The following MAN1A2 variants were observed in gnomAD, a reference collection of about 807,000 sequenced individuals.
MAN1A2 encodes the protein mannosyl-oligosaccharide 1,2-alpha-mannosidase IB.
Under a neutral mutation model 75.7 loss-of-function variants are expected in MAN1A2, and 26 were observed. The observed-to-expected ratio is 0.34, with a 90% CI of 0.25 to 0.48. MAN1A2 has a LOEUF of 0.48. Among genes scored for constraint, MAN1A2 ranks in the 20% least tolerant of loss-of-function variants. The probability of loss-of-function intolerance (pLI) is 0.99; values close to 1 mark genes in which losing one functional copy is unlikely to be tolerated. For synonymous variants in MAN1A2, 247 were observed against 264.6 expected, an observed-to-expected ratio of 0.93 and a Z score of 0.65; for missense variants, 562 against 775.5, an observed-to-expected ratio of 0.72 and a Z score of 3.27.
rs538390349 is a variant in MAN1A2 at position 117,447,402 on chromosome 1, A to G, written c.950+5077A>G. On this transcript the variant is annotated intron_variant, in intron 6 of 12. Coordinates refer to ENST00000356554, the MANE Select transcript of MAN1A2 (RefSeq NM_006699.5). ...CTAGATTTTAATATTATCAAAAAAT[A>G]TTGGAAGAAGTATCCTGCATATGTT... Among the ~76,000 whole-genome samples the G allele has an allele frequency of 1.1e-4, 17 of 152,228 alleles. No homozygotes were observed. The South Asian group carries it at 1.2e-3, about 11-fold the overall frequency.
chr1:117,514,974 A>T lies in MAN1A2; in HGVS notation c.1794-7851A>T, dbSNP rs560131580. The T allele has an allele frequency of 7.0e-5, 35 of 498,600 alleles. 1 individual carries two copies. Among genetic ancestry groups the T allele is most frequent in the South Asian group, 5.4e-4 (35 of 65,288 alleles). 30.9% of individuals were successfully genotyped at this position (498,600 alleles called of 1,614,324 possible). A position where few individuals can be genotyped will look rare whatever the true frequency, so the allele number is the denominator to read the frequency against. ...AGCTAAGTCAAATCAATATGTACTT[A>T]TAAGTACCTGCTTTCTCAGAGTTGT... On this transcript the variant is annotated intron_variant, in intron 12 of 12. Transcript: ENST00000356554.
chr1:117,416,986 G>T (rs1311990854), intron 4 of MAN1A2, among the ~76,000 whole-genome samples: 1 of 152,162 alleles, frequency 6.6e-6, no homozygotes, highest in Non-Finnish European at 1.5e-5. Context: ...ACCCTGGCTG[G>T]TGAGACACTA....
intron 2 of MAN1A2, among the ~76,000 whole-genome samples, chr1:117,403,606 T>C (rs1331744429): frequency 6.6e-6 from 1 of 152,244 alleles, no homozygotes; most frequent in African/African-American, 2.4e-5. Context: ...AGAAACATGT[T>C]TTAGTTTGCT....
At chr1:117,374,925 C>G (rs1041819397) in intron 1 of MAN1A2, among the ~76,000 whole-genome samples, 1 of 152,046 alleles carries the variant, frequency 6.6e-6, no homozygotes, top group African/African-American at 2.4e-5. Context: ...TTGGAAATGA[C>G]TAAAATTTAT....
chr1:117,468,050 C>A (rs1288452286), intron 8 of MAN1A2, among the ~76,000 whole-genome samples: 1 of 152,092 alleles, frequency 6.6e-6, no homozygotes, highest in African/African-American at 2.4e-5. Context: ...TTAGTCTGTT[C>A]TCATGCTGCT....
chr1:117,380,314 A>G (rs1481872351), intron 1 of MAN1A2, among the ~76,000 whole-genome samples: 2 of 152,162 alleles, frequency 1.3e-5, no homozygotes, highest in African/African-American at 4.8e-5. Flanking sequence ...GGCTTTGTCC[A>G]TCTTTTAAAT....
At chr1:117,497,240 T>G (rs1454083300) in intron 10 of MAN1A2, among the ~76,000 whole-genome samples, 1 of 151,946 alleles carries the variant, frequency 6.6e-6, no homozygotes, top group Non-Finnish European at 1.5e-5. Context: ...CGTGGGGTAT[T>G]TGGGAATATA....
chr1:117,392,672 T>G (rs981343314), intron 1 of MAN1A2, among the ~76,000 whole-genome samples: 1 of 148,336 alleles, frequency 6.7e-6, no homozygotes, highest in African/African-American at 2.5e-5. Context: ...GAAATTACCA[T>G]AAACGCAAAC....
intron 12 of MAN1A2, among the ~76,000 whole-genome samples, chr1:117,518,623 A>G (rs753287671): frequency 1.3e-5 from 2 of 152,124 alleles, no homozygotes; most frequent in Non-Finnish European, 2.9e-5. Context: ...GTCTTGTCCA[A>G]CAGGAAAATA....
chr1:117,499,964 A>G (rs1651149195), intron 11 of MAN1A2, among the ~76,000 whole-genome samples: 1 of 151,634 alleles, frequency 6.6e-6, no homozygotes, highest in South Asian at 2.1e-4. Context: ...ACTAATTGTG[A>G]TAAATAGCAC....
chr1:117,495,317 C>A (rs988678422), intron 9 of MAN1A2, among the ~76,000 whole-genome samples: 22 of 151,624 alleles, frequency 1.5e-4, no homozygotes, highest in Admixed American at 2.6e-4. Flanking sequence ...GAGACATGAT[C>A]TCAAGTATGC....
chr1:117,424,645 A>G (rs1339300427), intron 5 of MAN1A2, among the ~76,000 whole-genome samples: 3 of 152,160 alleles, frequency 2.0e-5, no homozygotes, highest in Admixed American at 2.0e-4. Flanking sequence ...CAGCTCTCCT[A>G]TATGCGTTTC....
chr1:117,484,441 T>C (rs907461731), intron 8 of MAN1A2, among the ~76,000 whole-genome samples: 1 of 151,970 alleles, frequency 6.6e-6, no homozygotes, highest in African/African-American at 2.4e-5. Flanking sequence ...CTAGTGGCAC[T>C]TCATATGGGT....
chr1:117,499,028 A>G (rs761629594), intron 10 of MAN1A2, among the ~76,000 whole-genome samples: 20 of 151,888 alleles, frequency 1.3e-4, no homozygotes, highest in Non-Finnish European at 1.9e-4. Context: ...GTCATTATCT[A>G]TATACTTTTA....
intron 1 of MAN1A2, among the ~76,000 whole-genome samples, chr1:117,385,623 A>T (rs150520630): frequency 6.6e-6 from 1 of 152,212 alleles, no homozygotes; most frequent in Non-Finnish European, 1.5e-5. Context: ...AGTTAAAGGC[A>T]TGTGCTTAAA....
intron 5 of MAN1A2, among the ~76,000 whole-genome samples, chr1:117,428,948 G>A (rs1026234686): frequency 7.1e-6 from 1 of 140,262 alleles, no homozygotes; most frequent in African/African-American, 2.7e-5. Context: ...AGGACCCTGC[G>A]GCCTTCCGCA....
intron 5 of MAN1A2, among the ~76,000 whole-genome samples, chr1:117,428,482 T>C (rs1441979382): frequency 3.3e-5 from 5 of 152,014 alleles, no homozygotes; most frequent in Non-Finnish European, 5.9e-5. Context: ...GCAATGGAAA[T>C]GGCGAACAGA....
intron 8 of MAN1A2, among the ~76,000 whole-genome samples, chr1:117,473,136 C>T (rs1650213372): frequency 6.6e-6 from 1 of 151,984 alleles, no homozygotes; most frequent in Non-Finnish European, 1.5e-5. Context: ...TGTAAATGAG[C>T]TCTTCCTAAT....
At chr1:117,368,595 A>T (rs1652849744) in intron 1 of MAN1A2, 110 bp downstream of exon 1, 4 of 1,006,058 alleles carry the variant, frequency 4.0e-6, no homozygotes, top group Non-Finnish European at 5.8e-6. Context: ...TTTTCGAGTC[A>T]TAAATATTGT....
Sources: allele counts gnomAD v4.1 joint callset (sites outside exome capture counted in the v4.1 genomes callset), GRCh38; gene constraint gnomAD v4.1.1; transcripts MANE v1.5; gene names NCBI Gene and HGNC (gene_info 2026-07-23, HGNC 2026-07-21).